RBFOX1: variants seen among roughly 807,000 people sequenced by gnomAD.
RBFOX1 encodes RNA binding fox-1 homolog 1.
Under a neutral mutation model 57.7 loss-of-function variants are expected in RBFOX1, and 8 were observed. The ratio of observed to expected loss-of-function variants is 0.14; its 90% confidence interval spans 0.08 to 0.25. The LOEUF (loss-of-function observed/expected upper bound fraction) is 0.25, where lower values mean the gene tolerates loss of function less well. Ranked by LOEUF, RBFOX1 falls within the 10% of genes least tolerant of loss-of-function variation. RBFOX1 has a pLI of 1.00. For missense variants in RBFOX1, 611 were observed against 548.5 expected, an observed-to-expected ratio of 1.11 and a Z score of -1.14; for synonymous variants, 326 against 222.4, an observed-to-expected ratio of 1.47 and a Z score of -4.15.
intron 4 of RBFOX1, among the ~76,000 whole-genome samples, chr16:7,161,490 C>T (rs754409110): frequency 8.5e-5 from 13 of 152,232 alleles, no homozygotes; most frequent in Non-Finnish European, 1.3e-4. Flanking sequence ...TTTCTTCACT[C>T]TTAGGGGTTA....
intron 2 of RBFOX1, among the ~76,000 whole-genome samples, chr16:6,543,883 G>A (rs1319139535): frequency 3.3e-5 from 5 of 152,110 alleles, no homozygotes; most frequent in Non-Finnish European, 7.4e-5. Context: ...GGGAACCCAG[G>A]AAGGATAACA....
chr16:6,927,488 C>T (rs1351843203), intron 3 of RBFOX1, among the ~76,000 whole-genome samples: 1 of 145,586 alleles, frequency 6.9e-6, no homozygotes, highest in Admixed American at 6.9e-5. Context: ...AAAAATGTTT[C>T]CTCTCTTTCT....
intron 4 of RBFOX1, among the ~76,000 whole-genome samples, chr16:7,167,209 C>G (rs909572561): frequency 4.6e-5 from 7 of 151,612 alleles, no homozygotes; most frequent in Admixed American, 3.3e-4. Context: ...TGGTCTCAAA[C>G]TCCTGACCTT....
rs1192966973 is a variant in RBFOX1 at position 7,298,946 on chromosome 16, GTGT to G, written c.28-219196_28-219194del. ...ATGTGGTCCTGTATAGTTCAAATCT[GTGT>G]TGTTCACGAGTCAACTGTATTTGCT... is the stretch of plus-strand genomic sequence containing the variant. On this transcript the variant is annotated intron_variant, in intron 4 of 15. Transcript: ENST00000550418. 2.0e-5 allele frequency among the ~76,000 whole-genome samples: 3 copies of G among 152,198 alleles called. No homozygotes were observed. In the East Asian group the frequency reaches 5.8e-4, roughly 29 times the overall value.
At chr16:6,392,924 T>C (rs2092670239) in intron 2 of RBFOX1, among the ~76,000 whole-genome samples, 1 of 152,254 alleles carries the variant, frequency 6.6e-6, no homozygotes, top group South Asian at 2.1e-4. Context: ...ACCCACCCTC[T>C]TCTGCCATGA....
intron 1 of RBFOX1, among the ~76,000 whole-genome samples, chr16:6,147,699 A>G (rs540661590): frequency 2.6e-5 from 4 of 152,320 alleles, no homozygotes; most frequent in African/African-American, 9.6e-5. Flanking sequence ...CTCCTTGAAC[A>G]TGTTACGTTC....
At chr16:5,904,939 T>A (rs1443828270) in intron 4 of RBFOX1, among the ~76,000 whole-genome samples, 3 of 126,480 alleles carry the variant, frequency 2.4e-5, no homozygotes, top group African/African-American at 9.2e-5. Context: ...ATCGCACCAA[T>A]GCACTCCAGC....
intron 4 of RBFOX1, among the ~76,000 whole-genome samples, chr16:5,944,987 A>AAAGAG (rs1555453186): frequency 1.6e-4 from 16 of 97,002 alleles, no homozygotes; most frequent in South Asian, 9.5e-4. Context: ...AAAAAAAAAA[A>AAAGAG]AGAGAGAGAG....
intron 2 of RBFOX1, among the ~76,000 whole-genome samples, chr16:6,361,400 C>T (rs1267517746): frequency 2.0e-5 from 3 of 151,962 alleles, no homozygotes; most frequent in Admixed American, 6.6e-5. Context: ...GAGGCCGAGG[C>T]GGGTGGATCA....
chr16:6,488,663 T>C (rs2095558821), intron 2 of RBFOX1, among the ~76,000 whole-genome samples: 1 of 152,240 alleles, frequency 6.6e-6, no homozygotes, highest in Admixed American at 6.5e-5. Flanking sequence ...ATTTAGAATC[T>C]GTTTACACAT....
In RBFOX1 at chr16:5,820,762, A is replaced by G. The variant is rs79478940; in HGVS notation, c.319-46541A>G. On this transcript the variant is annotated intron_variant, in intron 3 of 19. Coordinates refer to the RBFOX1 transcript ENST00000641259. ...CCCCGTCTGTCTCCTGTGCTCTCCCAGCCTCACAGGGGTTTAAGACGATCA... is the reference window on the plus strand; with the variant it reads ...CCCCGTCTGTCTCCTGTGCTCTCCCGGCCTCACAGGGGTTTAAGACGATCA... Among the ~76,000 whole-genome samples the G allele has an allele frequency of 3.2e-3, 481 of 152,252 alleles. 5 individuals carry two copies. Among genetic ancestry groups the G allele is most frequent in the African/African-American group, 0.011 (453 of 41,542 alleles).
chr16:6,833,875 C>T (rs911728244), intron 3 of RBFOX1, among the ~76,000 whole-genome samples: 2 of 151,898 alleles, frequency 1.3e-5, no homozygotes, highest in South Asian at 2.1e-4. Context: ...AGCGTGGGCA[C>T]AGCTTGAGGA....
chr16:5,377,013 C>T (rs959898372), intron 1 of RBFOX1, among the ~76,000 whole-genome samples: 3 of 151,008 alleles, frequency 2.0e-5, no homozygotes, highest in Admixed American at 6.6e-5. Flanking sequence ...TACCTGTACT[C>T]GAATCTTCAT....
intron 3 of RBFOX1, among the ~76,000 whole-genome samples, chr16:5,697,220 G>C (rs535098476): frequency 6.6e-6 from 1 of 152,166 alleles, no homozygotes; most frequent in South Asian, 2.1e-4. Flanking sequence ...TTTGGTTGTA[G>C]ATCTTCTTAG....
rs539777994 is a variant in RBFOX1, at chr16:5,315,813, C to T, written c.219+75708C>T. 3.3e-5 allele frequency among the ~76,000 whole-genome samples: 5 copies of T among 152,030 alleles called. No individual in the cohort carries two copies. The East Asian group carries it at 9.7e-4, about 29-fold the overall frequency. ...TTTGGTGAAGAACACATAGGGTGGG[C>T]ATGCTGGGATGTCCACCTCTGTGCT... On this transcript the variant is annotated intron_variant, in intron 1 of 2. Transcript: ENST00000585867.
At chr16:7,158,035 C>T (rs896121630) in intron 4 of RBFOX1, among the ~76,000 whole-genome samples, 1 of 152,060 alleles carries the variant, frequency 6.6e-6, no homozygotes, top group African/African-American at 2.4e-5. Context: ...TCAGGTTTAT[C>T]CAATAGTAAC....
intron 4 of RBFOX1, among the ~76,000 whole-genome samples, chr16:7,197,057 C>G (rs1265552492): frequency 6.6e-6 from 1 of 152,172 alleles, no homozygotes; most frequent in Non-Finnish European, 1.5e-5. Flanking sequence ...GCCAGTTGCT[C>G]CTTGTGTGCT....
intron 4 of RBFOX1, among the ~76,000 whole-genome samples, chr16:7,358,306 GCAT>G (rs2097256382): frequency 2.0e-5 from 3 of 152,198 alleles, no homozygotes; most frequent in Non-Finnish European, 4.4e-5. Context: ...GGTGACAGTG[GCAT>G]CAGAGCAAAT....
intron 4 of RBFOX1, among the ~76,000 whole-genome samples, chr16:5,961,482 A>AC (rs1053614170): frequency 6.5e-5 from 9 of 139,450 alleles, no homozygotes; most frequent in Admixed American, 7.3e-5. Context: ...TTTGTTTAAA[A>AC]AAAACAAAAC....
Sources: gnomAD v4.1 joint callset for allele counts (sites outside exome capture counted in the v4.1 genomes callset) on GRCh38, gnomAD v4.1.1 for gene constraint, MANE v1.5 for transcripts, NCBI Gene and HGNC (gene_info 2026-07-23, HGNC 2026-07-21) for gene names.